ARHGAP45: variants seen among roughly 807,000 people sequenced by gnomAD.
ARHGAP45 encodes the protein rho GTPase-activating protein 45.
Under a neutral mutation model 116.1 loss-of-function variants are expected in ARHGAP45, and 56 were observed. The observed-to-expected ratio is 0.48, with a 90% CI of 0.39 to 0.60. The LOEUF (loss-of-function observed/expected upper bound fraction) is 0.60. ARHGAP45 is among the 20% of genes least tolerant of loss of function. ARHGAP45 has a pLI of 0.00. For missense variants in ARHGAP45, 1,622 were observed against 1,601.0 expected (o/e 1.01, Z -0.22); for synonymous variants, 866 against 701.7 (o/e 1.23, Z -3.70).
rs776125515 is a variant in ARHGAP45 at position 1,073,671 on chromosome 19, C to T, written c.651-3C>T. ...CTCGATGGTGACCTCGCTGGCCCTGCAGAGTGTCCGAGTTCCTCATGGGTG... is the reference window on the plus strand; with the variant it reads ...CTCGATGGTGACCTCGCTGGCCCTGTAGAGTGTCCGAGTTCCTCATGGGTG... On this transcript the variant is annotated splice_polypyrimidine_tract_variant and splice_region_variant and intron_variant, in intron 4 of 22. Transcript: ENST00000313093. The T allele has an allele frequency of 1.2e-6, 2 of 1,608,052 alleles. No individual in the cohort carries two copies. Among genetic ancestry groups the T allele is most frequent in the Non-Finnish European group, 8.5e-7 (1 of 1,176,942 alleles).
rs1326226926 is a variant in ARHGAP45, at chr19:1,079,665, G to C, written c.1375-38G>C. The C allele has an allele frequency of 2.5e-6, 4 of 1,608,744 alleles. No individual in the cohort carries two copies. The African/African-American group carries it at 5.3e-5, about 21-fold the overall frequency. On this transcript the variant is annotated intron_variant, in intron 11 of 22. Transcript: ENST00000313093. The stretch of plus-strand genomic sequence containing the variant: ...TTTCTGTCTGAGTCCTGCACCCCGG[G>C]CTGAGGCCTCTCTCTGTGCGCCCCG...
At position 1,086,614 on chromosome 19, in the gene ARHGAP45, A is replaced by G. The variant is rs1415543148; in HGVS notation, c.*608A>G. ...GGCACGTTTATTTTGCTGAAATAAA[A>G]AGTTTTTAATCGGGTGTTTTCTGTG... On this transcript the variant is annotated 3_prime_UTR_variant, in exon 23 of 23. Transcript: ENST00000313093. 1 of 151,830 alleles carries G rather than the reference A, an allele frequency of 6.6e-6. No individual in the cohort carries two copies. Among genetic ancestry groups the G allele is most frequent in the Non-Finnish European group, 1.5e-5 (1 of 67,660 alleles). 9.4% of individuals were successfully genotyped at this position (151,830 alleles called of 1,614,324 possible).
At chr19:1,067,703 C>G (rs1276518204) in intron 1 of ARHGAP45, 1 of 703,766 alleles carries the variant, frequency 1.4e-6, no homozygotes, top group African/African-American at 1.7e-5. Flanking sequence ...GTGGCCGCCT[C>G]CCTCCACTCC....
chr19:1,067,618 C>G, intron 1 of ARHGAP45, 123 bp downstream of exon 1: 5 of 952,400 alleles, frequency 5.2e-6, no homozygotes, highest in Admixed American at 4.0e-5. Context: ...CAGCCCCTAC[C>G]GGGCGGGACG....
At position 1,074,456 on chromosome 19, in the gene ARHGAP45, GTC is replaced by G. The variant is rs1240950145; in HGVS notation, c.993+52_993+53del. ...CGGGGGTCCCTGGGCCCGGGTGTGA[GTC>G]TCAGCCCCATTTCAAGGGCCCAGGG... On this transcript the variant is annotated intron_variant, in intron 8 of 22. Transcript: ENST00000313093. The G allele has an allele frequency of 5.5e-6, 8 of 1,459,828 alleles. No individual in the cohort carries two copies. The South Asian group carries it at 1.1e-4, about 20-fold the overall frequency. 90.4% of individuals were successfully genotyped at this position (1,459,828 alleles called of 1,614,324 possible).
At chr19:1,075,286 A>G (rs950990851) in intron 10 of ARHGAP45, among the ~76,000 whole-genome samples, 8 of 138,524 alleles carry the variant, frequency 5.8e-5, no homozygotes, top group African/African-American at 2.2e-4. Context: ...CCCAGGCTGC[A>G]GGCTGGAGTG....
intron 2 of ARHGAP45, among the ~76,000 whole-genome samples, chr19:1,070,116 C>T (rs1473974663): frequency 6.6e-6 from 1 of 151,674 alleles, no homozygotes; most frequent in Non-Finnish European, 1.5e-5. Flanking sequence ...CTGCCTCAGG[C>T]TCCCGAGTAG....
Position 1,085,877 on chromosome 19 carries a change from C to G in ARHGAP45, c.3282C>G (p.Ala1094=), listed in dbSNP as rs771957893. 1.9e-6 allele frequency: 3 copies of G among 1,612,006 alleles called. No homozygotes were observed. In the East Asian group the frequency reaches 6.7e-5, roughly 36 times the overall value. ...GGGACGGGGACGAGGACGGCCCGGC[C>G]CAGCAGCTCTCAGGATTCAACACCA... The part of the protein sequence containing the change: ...EDGDGDEDGP[A]QQLSGFNTNQ... Residue 1094 remains alanine, a synonymous_variant, in exon 23 of 23, where the codon GCC becomes GCG. Transcript: ENST00000313093.
chr19:1,084,342 C>T lies in ARHGAP45; in HGVS notation c.3060C>T (p.Cys1020=), dbSNP rs771802417. ...TGCAGGAGGCGGCGGCGGACGGGTG[C>T]AGAGGTGAGTGTGTGGCTGCCCGAA... ...YPLQEAAADG[C]RESRVVSNDS... Residue 1020 remains cysteine (C), a synonymous_variant, in exon 22 of 23, where the codon TGC becomes TGT. Transcript: ENST00000313093. The T allele has an allele frequency of 4.4e-6, 7 of 1,607,744 alleles. No homozygotes were observed. The highest frequency in any genetic ancestry group is 3.3e-5 in the South Asian group (3 of 90,700).
At chr19:1,075,864 G>A (rs747986626) in intron 10 of ARHGAP45, among the ~76,000 whole-genome samples, 2 of 152,100 alleles carry the variant, frequency 1.3e-5, no homozygotes, top group Non-Finnish European at 2.9e-5. Context: ...GCAGTGAAAC[G>A]CACCCTCCTA....
At chr19:1,081,516 C>G in intron 17 of ARHGAP45, 34 bp from the exon 18 acceptor site, 1 of 1,442,162 alleles carries the variant, frequency 6.9e-7, no homozygotes, top group Non-Finnish European at 9.1e-7. Flanking sequence ...CTGGGCGCCC[C>G]GGGGCTGGGC....
chr19:1,067,330 C>G lies in ARHGAP45; in HGVS notation c.-76C>G. The G allele has an allele frequency of 6.9e-7, 1 of 1,458,608 alleles. No homozygotes were observed. Among genetic ancestry groups the G allele is most frequent in the Non-Finnish European group, 9.0e-7 (1 of 1,107,788 alleles). 90.4% of individuals were successfully genotyped at this position (1,458,608 alleles called of 1,614,324 possible). A position where few individuals can be genotyped will look rare whatever the true frequency, so the allele number is the denominator to read the frequency against. Reference sequence around the variant, plus strand: ...GGGGTGGCCGGCGACAATGTGGTCCCGAAGCGGCCAGCGCCGGGAGCTGCA... The same window carrying G: ...GGGGTGGCCGGCGACAATGTGGTCCGGAAGCGGCCAGCGCCGGGAGCTGCA... On this transcript the variant is annotated 5_prime_UTR_variant, in exon 1 of 23. Coordinates refer to ENST00000313093, the MANE Select transcript of ARHGAP45 (RefSeq NM_012292.5).
chr19:1,076,483 C>CTTTT lies in ARHGAP45; in HGVS notation c.1186-1347_1186-1344dup, dbSNP rs71174343. Among the ~76,000 whole-genome samples, 106 of 64,972 alleles carry CTTTT rather than the reference C, an allele frequency of 1.6e-3. 12 individuals carry two copies. Among genetic ancestry groups the CTTTT allele is most frequent in the East Asian group, 4.6e-3 (8 of 1,728 alleles). The allele number at this position is 64,972 out of a possible 152,430, so 42.6% of individuals were successfully genotyped here. ...GAAACCTGTGATTGTTGGCAGTAGT[C>CTTTT]TTTTTTTTTTTTTTTTTTTTTTTTT... On this transcript the variant is annotated intron_variant, in intron 10 of 22. Coordinates refer to ENST00000313093, the MANE Select transcript of ARHGAP45 (RefSeq NM_012292.5).
intron 10 of ARHGAP45, chr19:1,077,359 G>A (rs1177623440): frequency 1.3e-5 from 13 of 999,498 alleles, no homozygotes; most frequent in Non-Finnish European, 1.6e-5. Flanking sequence ...CCTGTTACGG[G>A]TGCCTCCTCC....
Position 1,085,827 on chromosome 19 carries a change from C to T in ARHGAP45, c.3232C>T (p.Leu1078=), listed in dbSNP as rs1215922123. The change falls in exon 23 of 23, where the codon CTG becomes TTG. Residue 1078 remains leucine (L), a synonymous_variant. Transcript: ENST00000313093. ...SGSHSGSEEQ[L]EATAREDGDG... ...CAGCCACAGCGGCAGTGAGGAGCAG[C>T]TGGAGGCCACAGCCCGGGAGGACGG... The T allele has an allele frequency of 6.2e-7, 1 of 1,612,614 alleles. No homozygotes were observed. Among genetic ancestry groups the T allele is most frequent in the South Asian group, 1.1e-5 (1 of 91,084 alleles).
chr19:1,075,742 T>C (rs570712586), intron 10 of ARHGAP45, among the ~76,000 whole-genome samples: 17 of 152,332 alleles, frequency 1.1e-4, no homozygotes, highest in African/African-American at 4.1e-4. Flanking sequence ...GCCTCCTGAG[T>C]TCCTGGGTCT....
Position 1,069,654 on chromosome 19 carries a change from C to T in ARHGAP45, c.421+910C>T, listed in dbSNP as rs899532686. Among the ~76,000 whole-genome samples, 3 of 152,110 alleles carry T rather than the reference C, an allele frequency of 2.0e-5. No homozygotes were observed. The highest frequency in any genetic ancestry group is 1.9e-4 in the East Asian group (1 of 5,178). On this transcript the variant is annotated intron_variant, in intron 2 of 22. Coordinates refer to ENST00000313093, the MANE Select transcript of ARHGAP45 (RefSeq NM_012292.5). This position sits in a 1 kb window ranked among gnomAD's most constrained non-coding sequence, Gnocchi z 4.1. ...CCCCACTGGGAGGAGTGGGAGCCCCCGGGTTATCTGGTCCCAGGGGCGGGG... is the reference window on the plus strand; with the variant it reads ...CCCCACTGGGAGGAGTGGGAGCCCCTGGGTTATCTGGTCCCAGGGGCGGGG...
chr19:1,085,069 G>C (rs548352100), intron 22 of ARHGAP45, among the ~76,000 whole-genome samples: 1 of 152,266 alleles, frequency 6.6e-6, no homozygotes, highest in Non-Finnish European at 1.5e-5. Context: ...GCAAGAGAGA[G>C]AGACTCTGTC....
At position 1,085,866 on chromosome 19, in the gene ARHGAP45, G is replaced by C. The variant is rs781711272; in HGVS notation, c.3271G>C (p.Asp1091His). Residue 1091 changes from aspartate to histidine, a missense_variant, in exon 23 of 23, where the codon GAC becomes CAC. Around this residue, in one of 3 missense-constraint regions of ARHGAP45, gnomAD observed 1,334 missense variants for 1,263.8 expected, o/e 1.06. Transcript: ENST00000313093. ...CCGGGAGGACGGGGACGGGGACGAG[G>C]ACGGCCCGGCCCAGCAGCTCTCAGG... ...TAREDGDGDE[D>H]GPAQQLSGFN... 1.2e-6 allele frequency: 2 copies of C among 1,612,804 alleles called. No homozygotes were observed. The highest frequency in any genetic ancestry group is 2.2e-5 in the East Asian group (1 of 44,882).
Sources: gnomAD v4.1 joint callset for allele counts (sites outside exome capture counted in the v4.1 genomes callset) on GRCh38, gnomAD v4.1.1 for gene constraint, gnomAD v4.1.1 regional missense constraint, Gnocchi (gnomAD v3.1) non-coding constraint, MANE v1.5 for transcripts, NCBI Gene and HGNC (gene_info 2026-07-23, HGNC 2026-07-21) for gene names.